SOX6: variants seen among roughly 807,000 people sequenced by gnomAD.
The protein encoded by SOX6 is transcription factor SOX-6.
In SOX6, 11 loss-of-function variants were observed where a neutral mutation model predicts 97.8. The ratio of observed to expected loss-of-function variants is 0.11; its 90% confidence interval spans 0.07 to 0.19. The LOEUF (loss-of-function observed/expected upper bound fraction) is 0.19. Among genes scored for constraint, SOX6 ranks in the 10% least tolerant of loss-of-function variants. SOX6 has a pLI of 1.00. For missense variants in SOX6, 810 were observed against 1,039.5 expected, an observed-to-expected ratio of 0.78 and a Z score of 3.04; for synonymous variants, 360 against 371.4, an observed-to-expected ratio of 0.97 and a Z score of 0.35.
intron 3 of SOX6, among the ~76,000 whole-genome samples, chr11:16,664,805 G>A (rs1847794709): frequency 6.6e-6 from 1 of 151,670 alleles, no homozygotes; most frequent in Admixed American, 6.6e-5. Context: ...TCTGCTTGAG[G>A]AAAAGAGAGC....
intron 4 of SOX6, among the ~76,000 whole-genome samples, chr11:16,609,361 G>A (rs1848371399): frequency 6.6e-6 from 1 of 152,208 alleles, no homozygotes; most frequent in Non-Finnish European, 1.5e-5. Flanking sequence ...AGCATAACCT[G>A]CAGAGATTTG....
At chr11:16,022,571 C>CGGCT (rs1321364876) in intron 12 of SOX6, among the ~76,000 whole-genome samples, 1 of 151,632 alleles carries the variant, frequency 6.6e-6, no homozygotes, top group African/African-American at 2.4e-5. Context: ...CCACTACACC[C>CGGCT]GGCTAACTTT....
intron 2 of SOX6, among the ~76,000 whole-genome samples, chr11:16,732,058 A>T (rs1244493826): frequency 1.3e-5 from 2 of 152,214 alleles, no homozygotes; most frequent in Non-Finnish European, 2.9e-5. Context: ...CTTCAAGGAG[A>T]ACTACAAACC....
chr11:16,568,653 T>G (rs1847903123), intron 4 of SOX6, among the ~76,000 whole-genome samples: 1 of 152,192 alleles, frequency 6.6e-6, no homozygotes, highest in Non-Finnish European at 1.5e-5. Flanking sequence ...CTTAGGGCAA[T>G]GAAGTAAGCA....
intron 4 of SOX6, among the ~76,000 whole-genome samples, chr11:16,513,423 A>G (rs1860912156): frequency 6.6e-6 from 1 of 152,126 alleles, no homozygotes; most frequent in Non-Finnish European, 1.5e-5. Flanking sequence ...ACTTGAGGTC[A>G]GAAGTTTGAG....
chr11:16,604,079 C>A (rs987282170), intron 4 of SOX6, among the ~76,000 whole-genome samples: 1 of 152,268 alleles, frequency 6.6e-6, no homozygotes, highest in Non-Finnish European at 1.5e-5. Context: ...TCAACCCCAG[C>A]AACTGTTCAA....
chr11:16,470,792 T>A (rs535463662), intron 1 of SOX6, among the ~76,000 whole-genome samples: 21 of 152,272 alleles, frequency 1.4e-4, no homozygotes, highest in Admixed American at 1.2e-3. Context: ...ATAAAGATAA[T>A]TCCTACTCAT....
At chr11:16,462,891 G>A (rs759629250) in intron 1 of SOX6, among the ~76,000 whole-genome samples, 5 of 152,202 alleles carry the variant, frequency 3.3e-5, no homozygotes, top group Admixed American at 6.5e-5. Context: ...CTTTGAGTAG[G>A]AGAAACAGAA....
intron 9 of SOX6, among the ~76,000 whole-genome samples, chr11:16,063,306 T>C (rs1349056224): frequency 6.6e-6 from 1 of 150,866 alleles, no homozygotes; most frequent in Non-Finnish European, 1.5e-5. Flanking sequence ...CTCAGCCTCA[T>C]GGTGAAACCC....
intron 3 of SOX6, among the ~76,000 whole-genome samples, chr11:16,238,383 G>C (rs535895008): frequency 9.2e-5 from 14 of 152,028 alleles, no homozygotes; most frequent in African/African-American, 3.4e-4. Flanking sequence ...CAATGTTTCT[G>C]CTTCCTAAGT....
intron 4 of SOX6, among the ~76,000 whole-genome samples, chr11:16,552,159 C>A (rs1589982434): frequency 6.6e-6 from 1 of 151,890 alleles, no homozygotes; most frequent in Admixed American, 6.6e-5. Context: ...TTAACATACA[C>A]GGCCCCCAAA....
intron 11 of SOX6, 74 bp from the exon 12 acceptor site, chr11:16,046,775 CT>C: frequency 7.1e-7 from 1 of 1,409,500 alleles, no homozygotes; most frequent in Non-Finnish European, 9.9e-7. Flanking sequence ...ATCCCCTCCC[CT>C]GTAGAAAGCT....
intron 12 of SOX6, among the ~76,000 whole-genome samples, chr11:16,033,595 G>A (rs1319467255): frequency 6.6e-6 from 1 of 152,160 alleles, no homozygotes; most frequent in African/African-American, 2.4e-5. Context: ...ACTCGGCCAG[G>A]CGCAGTGGCT....
chr11:15,999,059 C>CA (rs745623409), intron 13 of SOX6, among the ~76,000 whole-genome samples: 2 of 151,242 alleles, frequency 1.3e-5, no homozygotes, highest in African/African-American at 2.4e-5. Flanking sequence ...AAAGAATGAC[C>CA]AAAAAAATCT....
chr11:16,640,107 T>C (rs941708900), intron 3 of SOX6, among the ~76,000 whole-genome samples: 1 of 152,070 alleles, frequency 6.6e-6, no homozygotes, highest in South Asian at 2.1e-4. Context: ...TTATTGAGAG[T>C]TTTTAGTATG....
intron 3 of SOX6, among the ~76,000 whole-genome samples, chr11:16,661,840 C>A (rs1166493823): frequency 6.6e-6 from 1 of 152,150 alleles, no homozygotes; most frequent in African/African-American, 2.4e-5. Context: ...GGATTACAGG[C>A]TCTAGTCCTA....
At chr11:16,106,494 T>A (rs551022426) in intron 7 of SOX6, among the ~76,000 whole-genome samples, 3 of 152,086 alleles carry the variant, frequency 2.0e-5, no homozygotes, top group South Asian at 2.1e-4. Context: ...GAAGGGATAG[T>A]CTTATCAACA....
intron 1 of SOX6, among the ~76,000 whole-genome samples, chr11:16,473,552 CTT>C (rs61587370): frequency 0.17 from 23,064 of 132,486 alleles, 1,771 homozygotes; most frequent in African/African-American, 0.2. Flanking sequence ...GTGACAATTC[CTT>C]TTTTTTTTTT....
intron 4 of SOX6, among the ~76,000 whole-genome samples, chr11:16,564,310 C>T (rs1847844756): frequency 6.6e-6 from 1 of 152,040 alleles, no homozygotes; most frequent in African/African-American, 2.4e-5. Context: ...ACAGGTAAGA[C>T]AATTACATTA....
Sources: allele counts gnomAD v4.1 joint callset (sites outside exome capture counted in the v4.1 genomes callset), GRCh38; gene constraint gnomAD v4.1.1; transcripts MANE v1.5; gene names NCBI Gene and HGNC (gene_info 2026-07-23, HGNC 2026-07-21).